The following IKBKE variants were observed in gnomAD, a reference collection of about 807,000 sequenced individuals.
The protein encoded by IKBKE is inhibitor of nuclear factor kappa B kinase subunit epsilon, also known as inhibitor of nuclear factor kappa-B kinase subunit epsilon.
IKBKE carries 45 observed loss-of-function variants against 92.1 expected under a neutral mutation model. That is an observed-to-expected ratio of 0.49 (90% confidence interval 0.38 to 0.63). The LOEUF (loss-of-function observed/expected upper bound fraction) is 0.63. Ranked by LOEUF, IKBKE falls within the 20% of genes least tolerant of loss-of-function variation. The pLI, the probability that IKBKE is intolerant of heterozygous loss-of-function variation, is 0.00. For missense variants in IKBKE, 700 were observed against 932.8 expected, an observed-to-expected ratio of 0.75 and a Z score of 3.25; for synonymous variants, 374 against 380.3, an observed-to-expected ratio of 0.98 and a Z score of 0.19.
At position 206,485,283 on chromosome 1, in the gene IKBKE, G is replaced by C. The variant is rs1179997787; in HGVS notation, c.1593G>C (p.Arg531=). 2.5e-6 allele frequency: 4 copies of C among 1,611,720 alleles called. No homozygotes were observed. In the African/African-American group the frequency reaches 4.0e-5, roughly 16 times the overall value. The change falls in exon 15 of 22, where the codon CGG becomes CGC. Residue 531 remains arginine (R), a synonymous_variant. Transcript: ENST00000581977. The surrounding 1 kb of genome is among the most constrained non-coding windows in gnomAD (Gnocchi z 5.0). ...TGAACCGGGAGCTGGTGAAGAGCCGGGATCAGGTACATGAGGACAGAAGGT... is the reference window on the plus strand; with the variant it reads ...TGAACCGGGAGCTGGTGAAGAGCCGCGATCAGGTACATGAGGACAGAAGGT... ...SSLNRELVKS[R]DQVHEDRSIQ...
intron 21 of IKBKE, 121 bp from the exon 22 acceptor site, chr1:206,495,991 G>A (rs1016144932): frequency 6.0e-6 from 4 of 669,656 alleles, no homozygotes; most frequent in African/African-American, 5.4e-5. Flanking sequence ...GGTGCTACAA[G>A]GGGAGAGCTG....
chr1:206,496,076 C>G, intron 21 of IKBKE, 36 bp from the exon 22 acceptor site: 1 of 1,593,438 alleles, frequency 6.3e-7, no homozygotes, highest in Non-Finnish European at 8.6e-7. Flanking sequence ...GCCTCTCCAA[C>G]AGGTGGGCAC....
chr1:206,491,613 C>A lies in IKBKE; in HGVS notation c.1734-35C>A, dbSNP rs782497840. ...GTGGGCTTGTGCATAGTGGTTCTGGCAGCTCATCTGCACCTTGGTTCTCTG... is the reference window on the plus strand; with the variant it reads ...GTGGGCTTGTGCATAGTGGTTCTGGAAGCTCATCTGCACCTTGGTTCTCTG... On this transcript the variant is annotated intron_variant, in intron 17 of 21. Coordinates refer to ENST00000581977, the MANE Select transcript of IKBKE (RefSeq NM_014002.4). The A allele has an allele frequency of 2.0e-6, 3 of 1,465,976 alleles. No individual in the cohort carries two copies. In the Admixed American group the frequency reaches 5.0e-5, roughly 25 times the overall value. The allele number at this position is 1,465,976 out of a possible 1,614,324, so 90.8% of individuals were successfully genotyped here.
Position 206,477,861 on chromosome 1 carries a change from T to G in IKBKE, c.812+2T>G. 6.5e-7 allele frequency: 1 copy of G among 1,531,892 alleles called. No individual in the cohort carries two copies. The highest frequency in any genetic ancestry group is 8.9e-7 in the Non-Finnish European group (1 of 1,129,192). 94.9% of individuals were successfully genotyped at this position (1,531,892 alleles called of 1,614,324 possible). On this transcript the variant is annotated splice_donor_variant, in intron 8 of 21. Coordinates refer to ENST00000581977, the MANE Select transcript of IKBKE (RefSeq NM_014002.4). LOFTEE classifies it high-confidence loss of function. ...CCCCATCACCTGCCAGCTGTCACTG[T>G]GAGTGGGACCCTGCTGGGGGGTGAT...
chr1:206,494,105 T>A, intron 21 of IKBKE, 114 bp downstream of exon 21: 1 of 828,006 alleles, frequency 1.2e-6, no homozygotes. Flanking sequence ...CGTGTCCATT[T>A]TCGAAGAAGC....
intron 13 of IKBKE, among the ~76,000 whole-genome samples, chr1:206,481,990 G>A (rs965466677): frequency 7.9e-5 from 12 of 151,768 alleles, no homozygotes; most frequent in South Asian, 4.2e-4. Context: ...CGTTTTAGCC[G>A]GGATGGTCTC....
At chr1:206,492,866 C>T in intron 18 of IKBKE, 157 bp from the exon 19 acceptor site, 1 of 723,718 alleles carries the variant, frequency 1.4e-6, no homozygotes, top group Non-Finnish European at 2.5e-6. Context: ...GTGGGGCGGG[C>T]AAGCGTGGAG....
chr1:206,484,878 A>G (rs1211184731), intron 13 of IKBKE, 119 bp from the exon 14 acceptor site: 2 of 779,992 alleles, frequency 2.6e-6, no homozygotes, highest in Non-Finnish European at 4.4e-6. Flanking sequence ...AGAGACCCGG[A>G]GAGCCACCAA....
chr1:206,473,128 G>C, intron 2 of IKBKE, 68 bp from the exon 3 acceptor site: 1 of 896,968 alleles, frequency 1.1e-6, no homozygotes, highest in Non-Finnish European at 1.8e-6. Context: ...ACAGTTACAG[G>C]TCAGGCCACC....
intron 4 of IKBKE, 141 bp downstream of exon 4, chr1:206,474,612 A>C: frequency 1.2e-5 from 8 of 642,594 alleles, no homozygotes; most frequent in Non-Finnish European, 1.5e-5. Context: ...AAGGGAGCAA[A>C]GGGGGCAAGG....
Position 206,478,970 on chromosome 1 carries a change from C to A in IKBKE, c.1020C>A (p.His340Gln). ...NTIAIFQEAV[H>Q]KQTSVAPRHQ... ...TAGCCATTTTCCAGGAGGCCGTGCA[C>A]AAGCAGACCAGTGTGGCCCCCCGAC... is the stretch of plus-strand genomic sequence containing the variant. The change falls in exon 10 of 22, where the codon CAC becomes CAA. Residue 340 changes from histidine to glutamine, a missense_variant. His to Gln is a conservative substitution (Grantham distance 24). Coordinates refer to ENST00000581977, the MANE Select transcript of IKBKE (RefSeq NM_014002.4). This position sits in a 1 kb window ranked among gnomAD's most constrained non-coding sequence, Gnocchi z 4.8. 1 of 1,614,134 alleles carries A rather than the reference C, an allele frequency of 6.2e-7. No individual in the cohort carries two copies. Among genetic ancestry groups the A allele is most frequent in the Non-Finnish European group, 8.5e-7 (1 of 1,180,028 alleles).
At position 206,485,288 on chromosome 1, in the gene IKBKE, A is replaced by C; in HGVS notation, c.1598A>C (p.Gln533Pro). The change falls in exon 15 of 22, where the codon CAG (glutamine) becomes CCG (proline). Residue 533 changes from glutamine to proline, a missense_variant. By Grantham distance (76) the Gln-to-Pro change is moderately conservative. Transcript: ENST00000581977. The surrounding 1 kb of genome is among the most constrained non-coding windows in gnomAD (Gnocchi z 5.0). ...LNRELVKSRD[Q>P]VHEDRSIQQI... ...CGGGAGCTGGTGAAGAGCCGGGATC[A>C]GGTACATGAGGACAGAAGGTCTGTG... 1 of 1,608,090 alleles carries C rather than the reference A, an allele frequency of 6.2e-7. No homozygotes were observed. Among genetic ancestry groups the C allele is most frequent in the East Asian group, 2.2e-5 (1 of 44,860 alleles).
In IKBKE at chr1:206,496,448, G is replaced by C. The variant is rs1666241949; in HGVS notation, c.*303G>C. 1 of 422,190 alleles carries C rather than the reference G, an allele frequency of 2.4e-6. No homozygotes were observed. The highest frequency in any genetic ancestry group is 3.6e-5 in the South Asian group (1 of 27,802). 26.2% of individuals were successfully genotyped at this position (422,190 alleles called of 1,614,324 possible). On this transcript the variant is annotated 3_prime_UTR_variant, in exon 22 of 22. Transcript: ENST00000581977. The stretch of plus-strand genomic sequence containing the variant: ...GTACTGCTCCTCCATGCCCATGGCT[G>C]GGCCGTGGGGAGAAGAAGCTCTCAT...
At position 206,479,860 on chromosome 1, in the gene IKBKE, TTGTC is replaced by T; in HGVS notation, c.1184-7_1184-4del. 6.2e-7 allele frequency: 1 copy of T among 1,613,552 alleles called. No individual in the cohort carries two copies. The highest frequency in any genetic ancestry group is 8.5e-7 in the Non-Finnish European group (1 of 1,179,810). ...CAGGCAGGCCCCTCAGACAGGGTCT[TTGTC>T]TGCAGCTGCTCTGGACGTCCCCAAG... On this transcript the variant is annotated splice_polypyrimidine_tract_variant and splice_region_variant and intron_variant, in intron 10 of 21. Coordinates refer to ENST00000581977, the MANE Select transcript of IKBKE (RefSeq NM_014002.4).
At position 206,490,829 on chromosome 1, in the gene IKBKE, C is replaced by G. The variant is rs1553390138; in HGVS notation, c.1704C>G (p.Tyr568Ter). The change falls in exon 17 of 22, where the codon TAC (tyrosine) becomes TAG (stop). Residue 568 changes from tyrosine (Y) to a stop codon, truncating the protein, a stop_gained. Transcript: ENST00000581977. LOFTEE classifies it high-confidence loss of function. The surrounding 1 kb of genome is among the most constrained non-coding windows in gnomAD (Gnocchi z 5.2). The stretch of plus-strand genomic sequence containing the variant: ...GTCTGTTTCCTCCAGGGCTTGGCTA[C>G]AACGAGGAGCAGATTCACAAGCTGG... The part of the protein sequence containing the change: ...KKSRMRPGLG[Y>*]NEEQIHKLDK... The G allele has an allele frequency of 6.2e-7, 1 of 1,614,042 alleles. No individual in the cohort carries two copies. Among genetic ancestry groups the G allele is most frequent in the Non-Finnish European group, 8.5e-7 (1 of 1,180,024 alleles).
At chr1:206,472,990 TG>T in intron 2 of IKBKE, 1 of 522,642 alleles carries the variant, frequency 1.9e-6, no homozygotes. Flanking sequence ...GAGGGCTCAG[TG>T]GGGGCCCTCT....
chr1:206,485,203 G>T lies in IKBKE; in HGVS notation c.1513G>T (p.Val505Phe), dbSNP rs968670220. The T allele has an allele frequency of 1.9e-6, 3 of 1,612,652 alleles. No homozygotes were observed. The highest frequency in any genetic ancestry group is 1.3e-5 in the African/African-American group (1 of 74,904). Residue 505 changes from valine to phenylalanine, a missense_variant, in exon 15 of 22, where the codon GTC becomes TTC. Coordinates refer to ENST00000581977, the MANE Select transcript of IKBKE (RefSeq NM_014002.4). This position sits in a 1 kb window ranked among gnomAD's most constrained non-coding sequence, Gnocchi z 5.0. ...CCTTTGTGCCCCACAGCTAGCGGAG[G>T]TCCTCTCCAGATGCTCCCAAAATAT... ...LRSRLRTLAE[V>F]LSRCSQNITE...
chr1:206,490,878 G>A lies in IKBKE; in HGVS notation c.1733+20G>A, dbSNP rs1300916440. 6.2e-7 allele frequency: 1 copy of A among 1,612,770 alleles called. No homozygotes were observed. Among genetic ancestry groups the A allele is most frequent in the African/African-American group, 1.3e-5 (1 of 74,902 alleles). ...GGATAAGTGAGTGGCCTGTCCTCCG[G>A]CAGGTGGGTGGGCAGGAGGGTGGGT... On this transcript the variant is annotated intron_variant, in intron 17 of 21. Transcript: ENST00000581977. This position sits in a 1 kb window ranked among gnomAD's most constrained non-coding sequence, Gnocchi z 5.2.
At chr1:206,479,206 G>A in intron 10 of IKBKE, 73 bp downstream of exon 10, 2 of 1,264,594 alleles carry the variant, frequency 1.6e-6, no homozygotes, top group Non-Finnish European at 1.1e-6. Context: ...TGCAATCCAG[G>A]CCATTGGTTA....
Sources: allele counts gnomAD v4.1 joint callset (sites outside exome capture counted in the v4.1 genomes callset), GRCh38; gene constraint gnomAD v4.1.1; non-coding constraint Gnocchi (gnomAD v3.1); transcripts MANE v1.5; gene names NCBI Gene and HGNC (gene_info 2026-07-23, HGNC 2026-07-21).